P4HA3: variants seen among roughly 807,000 people sequenced by gnomAD.
The protein encoded by P4HA3 is prolyl 4-hydroxylase subunit alpha 3.
A neutral mutation model predicts 66.7 loss-of-function variants in P4HA3; 60 were observed. The ratio of observed to expected loss-of-function variants is 0.90; its 90% CI spans 0.73 to 1.12. The LOEUF (loss-of-function observed/expected upper bound fraction) is 1.12, where lower values mean the gene tolerates loss of function less well. Among genes scored for constraint, P4HA3 ranks in the 50% most tolerant of loss-of-function variants. P4HA3 has a pLI of 0.00. For missense variants in P4HA3, 683 were observed against 685.8 expected (o/e 1.00, Z 0.05); for synonymous variants, 263 against 274.6 (o/e 0.96, Z 0.42).
intron 5 of P4HA3, among the ~76,000 whole-genome samples, chr11:74,288,007 C>A (rs1412331433): frequency 6.6e-6 from 1 of 152,026 alleles, no homozygotes; most frequent in Non-Finnish European, 1.5e-5. Flanking sequence ...CAGAATGAGA[C>A]TCTGTCTCAA....
intron 4 of P4HA3, among the ~76,000 whole-genome samples, chr11:74,294,115 G>T (rs1267283318): frequency 6.6e-6 from 1 of 152,124 alleles, no homozygotes; most frequent in East Asian, 1.9e-4. Context: ...TTTTCACATA[G>T]TCCCATATTT....
chr11:74,274,448 G>A (rs1860324190), intron 9 of P4HA3, among the ~76,000 whole-genome samples: 1 of 151,696 alleles, frequency 6.6e-6, no homozygotes, highest in Admixed American at 6.6e-5. Context: ...TGGGACTACA[G>A]GCGCCTGCCA....
At chr11:74,286,413 A>C in intron 5 of P4HA3, 22 bp from the exon 6 acceptor site, 1 of 1,509,560 alleles carries the variant, frequency 6.6e-7, no homozygotes, top group Non-Finnish European at 8.9e-7. Flanking sequence ...CAGAGCAGGG[A>C]ATATAAAATA....
chr11:74,307,795 A>T (rs1362134993), intron 1 of P4HA3, among the ~76,000 whole-genome samples: 2 of 152,220 alleles, frequency 1.3e-5, no homozygotes, highest in Non-Finnish European at 2.9e-5. Context: ...CAGGTTATCC[A>T]ACCACAATAC....
chr11:74,285,961 G>A lies in P4HA3; in HGVS notation c.958C>T (p.Leu320Phe). The A allele has an allele frequency of 6.2e-7, 1 of 1,610,118 alleles. No homozygotes were observed. The highest frequency in any genetic ancestry group is 8.5e-7 in the Non-Finnish European group (1 of 1,176,402). Residue 320 changes from leucine (L) to phenylalanine (F), a missense_variant, in exon 7 of 13, where the codon CTC becomes TTC. Coordinates refer to ENST00000331597, the MANE Select transcript of P4HA3 (RefSeq NM_182904.5). The part of the protein sequence containing the change: ...SQPTLYQIPS[L>F]YCSYETNSNA... Reference sequence around the variant, plus strand: ...GAATTGGTCTCATAGGAACAGTAGAGGCTAGGGATCTGGTAGAGAGTGGGC... The same window carrying A: ...GAATTGGTCTCATAGGAACAGTAGAAGCTAGGGATCTGGTAGAGAGTGGGC...
chr11:74,277,071 C>G lies in P4HA3; in HGVS notation c.1249G>C (p.Asp417His). ...NHRIAALTGL[D>H]VRPPYAEYLQ... ...TACTCTGCATAGGGAGGCCGGACAT[C>G]AAGGCCTGTGAGGGCAGCAATGCGG... is the stretch of plus-strand genomic sequence containing the variant. The change falls in exon 9 of 13, where the codon GAT becomes CAT. Residue 417 changes from aspartate to histidine, a missense_variant. By Grantham distance (81) the Asp-to-His change is moderately conservative (BLOSUM62 -1). Transcript: ENST00000331597. The G allele has an allele frequency of 6.2e-7, 1 of 1,614,158 alleles. No homozygotes were observed. Among genetic ancestry groups the G allele is most frequent in the Non-Finnish European group, 8.5e-7 (1 of 1,180,018 alleles).
Position 74,273,595 on chromosome 11 carries a change from G to A in P4HA3, c.1348C>T (p.Pro450Ser), listed in dbSNP as rs760411772. The A allele has an allele frequency of 1.3e-6, 2 of 1,564,016 alleles. No homozygotes were observed. The highest frequency in any genetic ancestry group is 2.3e-5 in the East Asian group (1 of 42,606). ...HFDHATSPSS[P>S]LYRMKSGNRV... ...TTTCCTGACTTCATTCTGTAGAGGG[G>A]GCTGCTTGGTGACTGAGAAAAAAAA... Residue 450 changes from proline (P) to serine (S), a missense_variant, in exon 10 of 13, where the codon CCC becomes TCC. Coordinates refer to ENST00000331597, the MANE Select transcript of P4HA3 (RefSeq NM_182904.5).
chr11:74,291,106 C>T (rs896684704), intron 4 of P4HA3, among the ~76,000 whole-genome samples: 2 of 152,090 alleles, frequency 1.3e-5, no homozygotes, highest in Non-Finnish European at 2.9e-5. Flanking sequence ...TTGTTTGTAT[C>T]CTCTTTTATT....
At chr11:74,276,408 T>A (rs578149230) in intron 9 of P4HA3, among the ~76,000 whole-genome samples, 51 of 139,900 alleles carry the variant, frequency 3.6e-4, no homozygotes, top group African/African-American at 6.7e-4. Context: ...ACAAAAAAAA[T>A]TTTTTTAAAT....
intron 7 of P4HA3, among the ~76,000 whole-genome samples, chr11:74,280,329 A>C (rs2134749419): frequency 6.6e-6 from 1 of 151,752 alleles, no homozygotes; most frequent in South Asian, 2.1e-4. Context: ...AATTTAAAAA[A>C]AAAATGTTTT....
At chr11:74,279,537 T>A in intron 7 of P4HA3, 85 bp from the exon 8 acceptor site, 1 of 1,343,630 alleles carries the variant, frequency 7.4e-7, no homozygotes, top group Non-Finnish European at 1.1e-6. Context: ...ATTTCTCTCT[T>A]AAGCATCAAC....
chr11:74,251,163 A>T (rs1426306369), intron 15 of P4HA3: 23 of 1,472,750 alleles, frequency 1.6e-5, no homozygotes, highest in Admixed American at 9.3e-5. Flanking sequence ...CAGCTCTCCA[A>T]CTTCTCCCTG....
chr11:74,279,786 G>A (rs1860527344), intron 7 of P4HA3, among the ~76,000 whole-genome samples: 1 of 152,104 alleles, frequency 6.6e-6, no homozygotes, highest in African/African-American at 2.4e-5. Flanking sequence ...TAAGAACAGG[G>A]GCTATTTCTC....
Position 74,285,963 on chromosome 11 carries a change from C to A in P4HA3, c.956G>T (p.Ser319Ile). The change falls in exon 7 of 13, where the codon AGC becomes ATC. Residue 319 changes from serine (S) to isoleucine (I), a missense_variant. Physicochemically the swap from Ser to Ile is moderately radical, Grantham distance 142. Coordinates refer to ENST00000331597, the MANE Select transcript of P4HA3 (RefSeq NM_182904.5). ...ATTGGTCTCATAGGAACAGTAGAGGCTAGGGATCTGGTAGAGAGTGGGCTG... is the reference window on the plus strand; with the variant it reads ...ATTGGTCTCATAGGAACAGTAGAGGATAGGGATCTGGTAGAGAGTGGGCTG... ...GSQPTLYQIP[S>I]LYCSYETNSN... 1 of 1,609,806 alleles carries A rather than the reference C, an allele frequency of 6.2e-7. No homozygotes were observed. The highest frequency in any genetic ancestry group is 8.5e-7 in the Non-Finnish European group (1 of 1,176,266).
At position 74,267,081 on chromosome 11, in the gene P4HA3, T is replaced by C; in HGVS notation, c.*167A>G. On this transcript the variant is annotated 3_prime_UTR_variant, in exon 13 of 13. Coordinates refer to ENST00000331597, the MANE Select transcript of P4HA3 (RefSeq NM_182904.5). ...GCAGATCAAATGTACATTCTCAGTG[T>C]CCCCTGGTAACAACCTCTCCCTTGC... is the stretch of plus-strand genomic sequence containing the variant. The C allele has an allele frequency of 6.5e-7, 1 of 1,537,852 alleles. No homozygotes were observed. The highest frequency in any genetic ancestry group is 1.4e-5 in the African/African-American group (1 of 73,242).
At chr11:74,281,183 C>T (rs1481752912) in intron 7 of P4HA3, among the ~76,000 whole-genome samples, 2 of 152,194 alleles carry the variant, frequency 1.3e-5, no homozygotes, top group Non-Finnish European at 1.5e-5. Context: ...GTTACCATCT[C>T]ACACCAGTTA....
chr11:74,286,218 G>A lies in P4HA3; in HGVS notation c.933+10C>T. 6.2e-7 allele frequency: 1 copy of A among 1,610,278 alleles called. No homozygotes were observed. Among genetic ancestry groups the A allele is most frequent in the Non-Finnish European group, 8.5e-7 (1 of 1,178,958 alleles). On this transcript the variant is annotated intron_variant, in intron 6 of 12. Coordinates refer to ENST00000331597, the MANE Select transcript of P4HA3 (RefSeq NM_182904.5). The stretch of plus-strand genomic sequence containing the variant: ...CCTCTCCCCCTTTCTCTTTCCCTGA[G>A]GAATCCTACCTGGGAACCCAGGGTC...
chr11:74,296,105 C>A (rs1861203858), intron 4 of P4HA3, among the ~76,000 whole-genome samples: 1 of 152,204 alleles, frequency 6.6e-6, no homozygotes, highest in Non-Finnish European at 1.5e-5. Context: ...TAAGAACTGA[C>A]ATTTATCCAG....
intron 9 of P4HA3, 76 bp downstream of exon 9, chr11:74,276,909 A>T: frequency 2.8e-6 from 4 of 1,409,940 alleles, no homozygotes; most frequent in Non-Finnish European, 3.8e-6. Flanking sequence ...GAGAGCCTAC[A>T]AGAGCTCTGC....
Sources: allele counts gnomAD v4.1 joint callset (sites outside exome capture counted in the v4.1 genomes callset), GRCh38; gene constraint gnomAD v4.1.1; transcripts MANE v1.5; gene names NCBI Gene and HGNC (gene_info 2026-07-23, HGNC 2026-07-21).